STK10: variants seen among roughly 807,000 people sequenced by gnomAD.
STK10 encodes the protein serine/threonine-protein kinase 10.
In STK10, 78 loss-of-function variants were observed where a neutral mutation model predicts 113.8. The observed-to-expected ratio is 0.69, with a 90% CI of 0.57 to 0.83. The LOEUF is 0.83. Among genes scored for constraint, STK10 ranks in the 40% least tolerant of loss-of-function variants. The probability of loss-of-function intolerance (pLI) is 0.00; values close to 1 mark genes in which losing one functional copy is unlikely to be tolerated. For missense variants in STK10, 1,109 were observed against 1,280.1 expected, an observed-to-expected ratio of 0.87 and a Z score of 2.04; for synonymous variants, 465 against 494.7, an observed-to-expected ratio of 0.94 and a Z score of 0.80.
At chr5:172,097,306 C>T (rs1326616423) in intron 7 of STK10, among the ~76,000 whole-genome samples, 1 of 152,234 alleles carries the variant, frequency 6.6e-6, no homozygotes, top group East Asian at 1.9e-4. Context: ...TCCCAAAGTG[C>T]TGGGATTACA....
At chr5:172,141,058 A>C (rs1464736576) in intron 2 of STK10, among the ~76,000 whole-genome samples, 1 of 152,212 alleles carries the variant, frequency 6.6e-6, no homozygotes, top group Non-Finnish European at 1.5e-5. Flanking sequence ...GAATCTGGTA[A>C]AACAGTCAAA....
intron 12 of STK10, among the ~76,000 whole-genome samples, chr5:172,080,137 G>A (rs1309912233): frequency 1.3e-5 from 2 of 152,018 alleles, no homozygotes; most frequent in Admixed American, 6.6e-5. Flanking sequence ...TGTGATGAGT[G>A]AGCTCTGATG....
intron 4 of STK10, among the ~76,000 whole-genome samples, chr5:172,112,332 G>A (rs571290943): frequency 1.1e-3 from 169 of 152,104 alleles, no homozygotes; most frequent in African/African-American, 3.8e-3. Context: ...CACACACACC[G>A]GTCTGGAAGT....
chr5:172,143,085 G>T (rs1301588503), intron 2 of STK10, among the ~76,000 whole-genome samples: 1 of 152,208 alleles, frequency 6.6e-6, no homozygotes, highest in Admixed American at 6.5e-5. Context: ...GCAGGAATTG[G>T]GTTGGCACTG....
chr5:172,179,938 A>C (rs1413033887), intron 1 of STK10, among the ~76,000 whole-genome samples: 1 of 152,122 alleles, frequency 6.6e-6, no homozygotes, highest in Non-Finnish European at 1.5e-5. Flanking sequence ...CCTCTCAACC[A>C]GGCAGGGAGG....
chr5:172,084,009 G>A (rs1382573786), intron 10 of STK10, among the ~76,000 whole-genome samples: 5 of 150,798 alleles, frequency 3.3e-5, no homozygotes, highest in Non-Finnish European at 7.4e-5. Context: ...CATCAATATA[G>A]GTCTATGTAA....
At position 172,051,956 on chromosome 5, in the gene STK10, C is replaced by T. The variant is rs1027276566; in HGVS notation, c.2766+973G>A. On this transcript the variant is annotated intron_variant, in intron 18 of 18. Transcript: ENST00000176763. ...CAGTAAAGAAAGATGTGGGACTGAG[C>T]GAGGGCATGGGGTTTGAAGGTGAAA... is the stretch of plus-strand genomic sequence containing the variant. Among the ~76,000 whole-genome samples, 6 of 152,092 alleles carry T rather than the reference C, an allele frequency of 3.9e-5. No homozygotes were observed. The East Asian group carries it at 9.6e-4, about 24-fold the overall frequency.
chr5:172,077,954 A>C (rs1768347959), intron 12 of STK10, among the ~76,000 whole-genome samples: 1 of 151,840 alleles, frequency 6.6e-6, no homozygotes, highest in Middle Eastern at 3.2e-3. Context: ...GGAATGGCTG[A>C]TGCATCTGTA....
intron 1 of STK10, among the ~76,000 whole-genome samples, chr5:172,165,263 C>T (rs1190626191): frequency 2.0e-5 from 3 of 152,148 alleles, no homozygotes; most frequent in Non-Finnish European, 4.4e-5. Context: ...AAAACATTAG[C>T]CACCCCTCCT....
Position 172,053,029 on chromosome 5 carries a change from T to C in STK10, c.2666A>G (p.His889Arg). The C allele has an allele frequency of 6.2e-7, 1 of 1,613,990 alleles. No homozygotes were observed. The highest frequency in any genetic ancestry group is 8.5e-7 in the Non-Finnish European group (1 of 1,179,980). ...CTGGGTTTCGTGCTCTACCAGGAGG[T>C]GGCACTTTTCATTCTGGAACAGATT... ...ELQQLQNEKC[H>R]LLVEHETQKL... Residue 889 changes from histidine (H) to arginine (R), a missense_variant, in exon 18 of 19, where the codon CAC becomes CGC. Around this residue, in one of 5 missense-constraint regions of STK10, gnomAD observed 885 missense variants for 991.1 expected, o/e 0.89. Transcript: ENST00000176763.
At chr5:172,115,666 G>A (rs769891079) in intron 4 of STK10, among the ~76,000 whole-genome samples, 2 of 152,216 alleles carry the variant, frequency 1.3e-5, no homozygotes, top group Non-Finnish European at 2.9e-5. Context: ...TCTGGACCCA[G>A]CTGCCTTGGT....
chr5:172,159,105 C>T (rs1270699440), intron 1 of STK10, among the ~76,000 whole-genome samples: 1 of 152,180 alleles, frequency 6.6e-6, no homozygotes, highest in Non-Finnish European at 1.5e-5. Flanking sequence ...CAAGCAATCC[C>T]ACCCCATTGC....
At chr5:172,118,731 T>C (rs1769440147) in intron 3 of STK10, among the ~76,000 whole-genome samples, 1 of 151,634 alleles carries the variant, frequency 6.6e-6, no homozygotes, top group Non-Finnish European at 1.5e-5. Context: ...ATACAAAAAC[T>C]AGCTGGGCGT....
chr5:172,090,163 G>A (rs1768665758), intron 10 of STK10, 69 bp downstream of exon 10: 5 of 1,583,234 alleles, frequency 3.2e-6, no homozygotes, highest in Non-Finnish European at 4.3e-6. Flanking sequence ...CTCACCAAAG[G>A]ACCAATGCCC....
At chr5:172,045,725 T>C (rs534994908) in intron 18 of STK10, among the ~76,000 whole-genome samples, 20 of 152,288 alleles carry the variant, frequency 1.3e-4, no homozygotes, top group South Asian at 1.0e-3. Context: ...AGTTTTGCTC[T>C]GTCGCCCAGG....
chr5:172,105,620 C>T (rs778083515), intron 7 of STK10, 36 bp downstream of exon 7: 2 of 1,606,858 alleles, frequency 1.2e-6, no homozygotes, highest in African/African-American at 1.3e-5. Context: ...TAGGCTCCAC[C>T]CTTCAGGGAG....
chr5:172,157,596 T>G (rs1052302578), intron 1 of STK10, among the ~76,000 whole-genome samples: 5 of 152,056 alleles, frequency 3.3e-5, no homozygotes, highest in East Asian at 1.9e-4. Flanking sequence ...AAAAATTTTT[T>G]TTGTTGTTTT....
chr5:172,131,601 A>G (rs950254733), intron 2 of STK10, among the ~76,000 whole-genome samples: 1 of 152,042 alleles, frequency 6.6e-6, no homozygotes, highest in African/African-American at 2.4e-5. Context: ...TAAGTTCCTC[A>G]GCTTTGGTTT....
chr5:172,044,696 C>T lies in STK10; in HGVS notation c.*186G>A. 1 of 869,996 alleles carries T rather than the reference C, an allele frequency of 1.1e-6. No individual in the cohort carries two copies. Among genetic ancestry groups the T allele is most frequent in the Non-Finnish European group, 1.8e-6 (1 of 560,458 alleles). 53.9% of individuals were successfully genotyped at this position (869,996 alleles called of 1,614,324 possible). On this transcript the variant is annotated 3_prime_UTR_variant, in exon 19 of 19. Coordinates refer to ENST00000176763, the MANE Select transcript of STK10 (RefSeq NM_005990.4). The surrounding 1 kb of genome is among the most constrained non-coding windows in gnomAD (Gnocchi z 4.5). Reference sequence around the variant, plus strand: ...ATAATTACACCTCACCCTCCACAGGCCAGCAAGAAGTCAGGAACGCTGGGG... The same window carrying T: ...ATAATTACACCTCACCCTCCACAGGTCAGCAAGAAGTCAGGAACGCTGGGG...
Sources: allele counts gnomAD v4.1 joint callset (sites outside exome capture counted in the v4.1 genomes callset), GRCh38; gene constraint gnomAD v4.1.1; regional missense constraint gnomAD v4.1.1; non-coding constraint Gnocchi (gnomAD v3.1); transcripts MANE v1.5; gene names NCBI Gene and HGNC (gene_info 2026-07-23, HGNC 2026-07-21).